The following ADRA1B variants were observed in gnomAD, a reference collection of about 807,000 sequenced individuals.
The protein encoded by ADRA1B is alpha-1B adrenergic receptor.
In ADRA1B, 17 loss-of-function variants were observed where a neutral mutation model predicts 17.9. That is an observed-to-expected ratio of 0.95 (90% CI 0.65 to 1.42). The LOEUF (loss-of-function observed/expected upper bound fraction) is 1.42, where lower values mean the gene tolerates loss of function less well. Ranked by LOEUF, ADRA1B falls within the 40% of genes most tolerant of loss-of-function variation. The pLI is 0.00. For missense variants in ADRA1B, 681 were observed against 722.1 expected (o/e 0.94, Z 0.65); for synonymous variants, 366 against 327.6 (o/e 1.12, Z -1.27).
At position 159,866,367 on chromosome 5, in the gene ADRA1B, A is replaced by C. The variant is rs1032710636; in HGVS notation, c.-256+1161A>C. ...GTAATGAGGCCAAGGCTAGTGGATC[A>C]CCTGATGTCAGGAGTTTGAGACGAG... On this transcript the variant is annotated intron_variant, in intron 1 of 2. Coordinates refer to the ADRA1B transcript ENST00000641205. Among the ~76,000 whole-genome samples, 7 of 151,576 alleles carry C rather than the reference A, an allele frequency of 4.6e-5. No individual in the cohort carries two copies. In the East Asian group the frequency reaches 1.4e-3, roughly 29 times the overall value.
At chr5:159,988,045 G>A in the ADRA1B span, among the ~76,000 whole-genome samples, 1 of 152,186 alleles carries the variant, frequency 6.6e-6, no homozygotes. Flanking sequence ...GTGAGATGGG[G>A]GGATTAGCCT....
intron 1 of ADRA1B, among the ~76,000 whole-genome samples, chr5:159,966,877 G>C (rs1341431152): frequency 3.9e-5 from 6 of 152,180 alleles, no homozygotes; most frequent in African/African-American, 1.4e-4. Flanking sequence ...CTATAGAGAA[G>C]GCATTAAATA....
Position 159,965,547 on chromosome 5 carries a change from T to C in ADRA1B, c.950-6332T>C, listed in dbSNP as rs570329011. ...GAAACGATCCCTGCCACACATCCTC[T>C]TACATGCCTAACAGGCTTAGCATCT... On this transcript the variant is annotated intron_variant, in intron 1 of 1. Transcript: ENST00000306675. Among the ~76,000 whole-genome samples, 15 of 152,330 alleles carry C rather than the reference T, an allele frequency of 9.8e-5. No homozygotes were observed. The South Asian group carries it at 3.1e-3, about 32-fold the overall frequency.
chr5:159,957,349 T>C (rs547906567), intron 1 of ADRA1B, among the ~76,000 whole-genome samples: 12 of 151,444 alleles, frequency 7.9e-5, no homozygotes, highest in African/African-American at 2.9e-4. Context: ...ACCAAAAAAA[T>C]ACAAAAATTA....
At chr5:159,879,570 G>A (rs1238736434) in intron 1 of ADRA1B, among the ~76,000 whole-genome samples, 1 of 152,194 alleles carries the variant, frequency 6.6e-6, no homozygotes, top group East Asian at 1.9e-4. Context: ...TAATTATGGG[G>A]AGGGGGGAGT....
upstream of ADRA1B, among the ~76,000 whole-genome samples, chr5:159,911,897 A>G (rs1482264897): frequency 6.6e-6 from 1 of 152,036 alleles, no homozygotes; most frequent in African/African-American, 2.4e-5. Context: ...GTTTAGCCTC[A>G]TTTACTGGGT....
downstream of ADRA1B, among the ~76,000 whole-genome samples, chr5:159,973,603 C>G (rs1219410183): frequency 6.6e-6 from 1 of 152,160 alleles, no homozygotes; most frequent in African/African-American, 2.4e-5. Flanking sequence ...ATCCTTGGGG[C>G]CCAGCAACAT....
At chr5:159,976,098 A>C (rs963087004), downstream of ADRA1B, among the ~76,000 whole-genome samples, 2 of 152,194 alleles carry the variant, frequency 1.3e-5, no homozygotes, top group Non-Finnish European at 2.9e-5. Flanking sequence ...AGATAATAAT[A>C]CTAATTACTT....
At chr5:159,876,120 C>T (rs1753799963) in intron 1 of ADRA1B, among the ~76,000 whole-genome samples, 1 of 152,190 alleles carries the variant, frequency 6.6e-6, no homozygotes, top group Non-Finnish European at 1.5e-5. Context: ...ACTCAGGAGA[C>T]AGAGGTTACA....
At chr5:159,920,998 T>C (rs1754463915) in intron 1 of ADRA1B, among the ~76,000 whole-genome samples, 2 of 152,144 alleles carry the variant, frequency 1.3e-5, no homozygotes, top group South Asian at 4.1e-4. Context: ...TCCATAGCTG[T>C]GTTTGTTTTC....
chr5:159,942,217 C>T (rs572686811), intron 1 of ADRA1B, among the ~76,000 whole-genome samples: 12 of 152,164 alleles, frequency 7.9e-5, no homozygotes, highest in South Asian at 2.1e-4. Flanking sequence ...CCGCCATGGC[C>T]GGCCGGGTAC....
At chr5:159,906,780 C>T (rs1337269693) in intron 1 of ADRA1B, among the ~76,000 whole-genome samples, 1 of 152,220 alleles carries the variant, frequency 6.6e-6, no homozygotes, top group Admixed American at 6.5e-5. Context: ...GCCAAACTTT[C>T]GCACCTGGAG....
intron 1 of ADRA1B, chr5:159,951,414 C>G (rs1755435664): frequency 5.0e-6 from 4 of 803,780 alleles, no homozygotes; most frequent in Middle Eastern, 3.5e-4. Flanking sequence ...GCAACAATAT[C>G]CACTTTACTA....
intron 1 of ADRA1B, among the ~76,000 whole-genome samples, chr5:159,941,866 G>A (rs575210422): frequency 7.9e-5 from 12 of 151,790 alleles, no homozygotes; most frequent in South Asian, 4.2e-4. Context: ...ATGAGTGTTC[G>A]CAGAGACTGA....
intron 1 of ADRA1B, among the ~76,000 whole-genome samples, chr5:159,877,321 T>C (rs1753814097): frequency 6.6e-6 from 1 of 152,100 alleles, no homozygotes; most frequent in Non-Finnish European, 1.5e-5. Context: ...GAGAACTCTG[T>C]CCAAGCCTCT....
upstream of ADRA1B, among the ~76,000 whole-genome samples, chr5:159,911,982 T>C (rs1162961608): frequency 6.6e-6 from 1 of 152,214 alleles, no homozygotes; most frequent in Non-Finnish European, 1.5e-5. Context: ...GGGCCTCAGA[T>C]TCCTCATCTA....
intron 1 of ADRA1B, among the ~76,000 whole-genome samples, chr5:159,925,276 A>G (rs181721433): frequency 6.6e-6 from 1 of 152,344 alleles, no homozygotes; most frequent in African/African-American, 2.4e-5. Flanking sequence ...TCCTGGTGAG[A>G]CCATAAAGAA....
chr5:159,891,254 G>A (rs114169575), intron 1 of ADRA1B, among the ~76,000 whole-genome samples: 2,497 of 152,240 alleles, frequency 0.016, 67 homozygotes, highest in African/African-American at 0.057. Context: ...TGCTTGCACA[G>A]GCTTATTAAA....
the ADRA1B span, among the ~76,000 whole-genome samples, chr5:159,979,882 A>G: frequency 1.3e-5 from 2 of 151,582 alleles, no homozygotes; most frequent in Non-Finnish European, 2.9e-5. Flanking sequence ...AAAAAAAAAC[A>G]TGTGGCCAAG....
Sources: gnomAD v4.1 joint callset for allele counts (sites outside exome capture counted in the v4.1 genomes callset) on GRCh38, gnomAD v4.1.1 for gene constraint, MANE v1.5 for transcripts, NCBI Gene and HGNC (gene_info 2026-07-23, HGNC 2026-07-21) for gene names.